Variants in MAP2 observed in about 807,000 individuals in gnomAD.
The protein encoded by MAP2 is microtubule associated protein 2, also known as microtubule-associated protein 2.
In MAP2, 14 loss-of-function variants were observed where a neutral mutation model predicts 137.6. That is an observed-to-expected ratio of 0.10 (90% CI 0.07 to 0.16). MAP2 has a LOEUF of 0.16. Ranked by LOEUF, MAP2 falls within the 10% of genes least tolerant of loss-of-function variation. The pLI is 1.00. For synonymous variants in MAP2, 786 were observed against 782.3 expected (o/e 1.00, Z -0.08); for missense variants, 2,088 against 2,191.5 (o/e 0.95, Z 0.94).
At chr2:209,607,639 T>C (rs1048225859) in intron 3 of MAP2, among the ~76,000 whole-genome samples, 3 of 152,146 alleles carry the variant, frequency 2.0e-5, no homozygotes, top group African/African-American at 7.2e-5. Context: ...TTTACCATGT[T>C]GGCCAGGCTG....
chr2:209,665,305 G>A (rs957334276), intron 5 of MAP2, among the ~76,000 whole-genome samples: 3 of 152,150 alleles, frequency 2.0e-5, no homozygotes, highest in Non-Finnish European at 4.4e-5. Flanking sequence ...CTTTCTAAAA[G>A]ATAATCTAGT....
intron 2 of MAP2, among the ~76,000 whole-genome samples, chr2:209,529,478 A>G (rs1291664770): frequency 6.6e-6 from 1 of 152,148 alleles, no homozygotes; most frequent in Admixed American, 6.6e-5. Flanking sequence ...TATATCTCCT[A>G]TGGAAATCAT....
At position 209,693,821 on chromosome 2, in the gene MAP2, G is replaced by C; in HGVS notation, c.1651G>C (p.Gly551Arg). 3 of 1,614,014 alleles carry C rather than the reference G, an allele frequency of 1.9e-6. No individual in the cohort carries two copies. Among genetic ancestry groups the C allele is most frequent in the Non-Finnish European group, 2.5e-6 (3 of 1,179,970 alleles). Reference protein sequence around the residue: ...VDDKDKIEGVGAATSAELDMP... With the variant: ...VDDKDKIEGVRAATSAELDMP... ...TGACAAAGATAAGATTGAAGGAGTT[G>C]GAGCTGCAACATCAGCTGAGCTTGA... Residue 551 changes from glycine to arginine, a missense_variant, in exon 8 of 16, where the codon GGA becomes CGA. Physicochemically the swap from Gly to Arg is moderately radical, Grantham distance 125. This residue lies in a region of MAP2 where 859 missense variants were observed against 794.5 expected (regional missense o/e 1.08). Transcript: ENST00000682079.
At chr2:209,699,447 G>C (rs2061177396) in intron 10 of MAP2, among the ~76,000 whole-genome samples, 1 of 152,086 alleles carries the variant, frequency 6.6e-6, no homozygotes, top group South Asian at 2.1e-4. Flanking sequence ...AAACATAGAT[G>C]GTTTTCCAAA....
At position 209,523,734 on chromosome 2, in the gene MAP2, C is replaced by T. The variant is rs147934618; in HGVS notation, c.-172+16093C>T. Among the ~76,000 whole-genome samples the T allele has an allele frequency of 1.4e-3, 210 of 152,224 alleles. 1 individual carries two copies. Among genetic ancestry groups the T allele is most frequent in the South Asian group, 3.9e-3 (19 of 4,828 alleles). On this transcript the variant is annotated intron_variant, in intron 2 of 15. Coordinates refer to ENST00000682079, the MANE Select transcript of MAP2 (RefSeq NM_001375505.1). ...TTTTATTCATTTATTTTTCTCTTGCCAGGTGGTCCGAATCAAAGATTGAAG... is the reference window on the plus strand; with the variant it reads ...TTTTATTCATTTATTTTTCTCTTGCTAGGTGGTCCGAATCAAAGATTGAAG...
chr2:209,481,554 T>A (rs763037600), intron 1 of MAP2, among the ~76,000 whole-genome samples: 5 of 152,104 alleles, frequency 3.3e-5, no homozygotes, highest in Non-Finnish European at 5.9e-5. Flanking sequence ...ACCTATACTA[T>A]CCTATGGCTG....
At chr2:209,521,999 A>G (rs2063351470) in intron 2 of MAP2, among the ~76,000 whole-genome samples, 1 of 152,156 alleles carries the variant, frequency 6.6e-6, no homozygotes, top group South Asian at 2.1e-4. Context: ...TATTGTTTTC[A>G]TAAATAAAAT....
intron 3 of MAP2, among the ~76,000 whole-genome samples, chr2:209,615,739 G>C (rs774396705): frequency 1.2e-4 from 19 of 152,190 alleles, no homozygotes; most frequent in Non-Finnish European, 2.2e-4. Context: ...CAAGCTACAT[G>C]TTAAATCCTC....
chr2:209,641,859 G>A (rs1481463776), intron 4 of MAP2, among the ~76,000 whole-genome samples: 2 of 152,062 alleles, frequency 1.3e-5, no homozygotes, highest in Non-Finnish European at 2.9e-5. Context: ...GTATATCATG[G>A]TCACATAAAG....
At chr2:209,608,069 A>G (rs949960563) in intron 3 of MAP2, among the ~76,000 whole-genome samples, 1 of 152,158 alleles carries the variant, frequency 6.6e-6, no homozygotes, top group Admixed American at 6.5e-5. Flanking sequence ...TTTACTTTTT[A>G]TGTTGAATGA....
In MAP2 at chr2:209,697,111, C is replaced by T. The variant is rs544895234; in HGVS notation, c.4522+60C>T. ...ATAGACATGTATTTTTTTTTTAAAT[C>T]TCATTACTGTAGCAGCTTCTTCATT... On this transcript the variant is annotated intron_variant, in intron 10 of 15. Coordinates refer to ENST00000682079, the MANE Select transcript of MAP2 (RefSeq NM_001375505.1). 2.2e-5 allele frequency: 32 copies of T among 1,464,924 alleles called. No homozygotes were observed. The African/African-American group carries it at 4.1e-4, about 19-fold the overall frequency. 90.7% of individuals were successfully genotyped at this position (1,464,924 alleles called of 1,614,324 possible).
At chr2:209,705,860 C>A in intron 12 of MAP2, 133 bp downstream of exon 12, 3 of 769,724 alleles carry the variant, frequency 3.9e-6, no homozygotes, top group South Asian at 2.1e-5. Context: ...CCATAAGGAT[C>A]AGAAAATCCA....
rs2063167798 is a variant in MAP2, at chr2:209,705,592, A to C, written c.4597A>C (p.Lys1533Gln). ...AKDKVSDGVT[K>Q]SPEKRSSLPR... The stretch of plus-strand genomic sequence containing the variant: ...TTTCTCCAATCAGGACGGAGTAACC[A>C]AGAGCCCAGAAAAGCGCTCTTCTCT... The change falls in exon 12 of 16, where the codon AAG becomes CAG. Residue 1533 changes from lysine (K) to glutamine (Q), a missense_variant. By Grantham distance (53) the Lys-to-Gln change is moderately conservative (BLOSUM62 1). Transcript: ENST00000682079. 1 of 1,611,234 alleles carries C rather than the reference A, an allele frequency of 6.2e-7. No homozygotes were observed. The highest frequency in any genetic ancestry group is 1.7e-5 in the Admixed American group (1 of 59,758).
chr2:209,646,266 A>G (rs1198522925), intron 4 of MAP2, among the ~76,000 whole-genome samples: 1 of 152,222 alleles, frequency 6.6e-6, no homozygotes, highest in Non-Finnish European at 1.5e-5. Context: ...CTAAATTACA[A>G]TGTAAATTAA....
chr2:209,609,529 AT>A lies in MAP2; in HGVS notation c.-106-15523del, dbSNP rs1559402870. On this transcript the variant is annotated intron_variant, in intron 3 of 15. Transcript: ENST00000682079. ...TCACCTCTATCCTAGACAACCTCTAATCTACTCTCTATGGATCTGTCCCTTT... is the reference window on the plus strand; with the variant it reads ...TCACCTCTATCCTAGACAACCTCTAACTACTCTCTATGGATCTGTCCCTTT... Among the ~76,000 whole-genome samples, 3 of 152,250 alleles carry A rather than the reference AT, an allele frequency of 2.0e-5. No homozygotes were observed. The East Asian group carries it at 5.8e-4, about 29-fold the overall frequency.
At position 209,603,668 on chromosome 2, in the gene MAP2, C is replaced by G. The variant is rs1017948877; in HGVS notation, c.-106-21385C>G. On this transcript the variant is annotated intron_variant, in intron 3 of 15. Transcript: ENST00000682079. ...GAGATTTCTCATCTTTTTATACCCG[C>G]CTTTCTTGACCACATAACAGAATAG... Among the ~76,000 whole-genome samples, 3 of 152,112 alleles carry G rather than the reference C, an allele frequency of 2.0e-5. No individual in the cohort carries two copies. The East Asian group carries it at 5.8e-4, about 29-fold the overall frequency.
At chr2:209,566,063 T>C (rs1006789148) in intron 2 of MAP2, among the ~76,000 whole-genome samples, 2 of 152,202 alleles carry the variant, frequency 1.3e-5, no homozygotes, top group Non-Finnish European at 2.9e-5. Flanking sequence ...CTGCTGACTA[T>C]GCACCTCCAG....
intron 2 of MAP2, among the ~76,000 whole-genome samples, chr2:209,527,500 T>A (rs1000105674): frequency 1.3e-5 from 2 of 152,134 alleles, no homozygotes; most frequent in African/African-American, 4.8e-5. Context: ...GTACTCCGCC[T>A]CTCTTCTTTC....
intron 2 of MAP2, among the ~76,000 whole-genome samples, chr2:209,554,120 A>G (rs1236796781): frequency 1.3e-5 from 2 of 152,236 alleles, no homozygotes; most frequent in African/African-American, 4.8e-5. Context: ...ATACAGTTCT[A>G]TCTCAGGAGA....
Sources: gnomAD v4.1 joint callset for allele counts (sites outside exome capture counted in the v4.1 genomes callset) on GRCh38, gnomAD v4.1.1 for gene constraint, gnomAD v4.1.1 regional missense constraint, MANE v1.5 for transcripts, NCBI Gene and HGNC (gene_info 2026-07-23, HGNC 2026-07-21) for gene names.